FASTKD2: variants seen among roughly 807,000 people sequenced by gnomAD.
FASTKD2 encodes the protein FAST kinase domain-containing protein 2, mitochondrial.
FASTKD2 carries 51 observed loss-of-function variants against 63.6 expected under a neutral mutation model. That is an observed-to-expected ratio of 0.80 (90% CI 0.64 to 1.01). The LOEUF is 1.01. Among genes scored for constraint, FASTKD2 ranks in the 50% least tolerant of loss-of-function variants. FASTKD2 has a pLI of 0.00. For missense variants in FASTKD2, 786 were observed against 831.1 expected (o/e 0.95, Z 0.67); for synonymous variants, 284 against 293.4 (o/e 0.97, Z 0.33).
intron 7 of FASTKD2, among the ~76,000 whole-genome samples, chr2:206,778,480 A>G (rs1689880212): frequency 1.3e-5 from 2 of 151,762 alleles, no homozygotes; most frequent in Admixed American, 1.3e-4. Context: ...TTGATTTCTA[A>G]TTGTATTTCT....
At position 206,772,250 on chromosome 2, in the gene FASTKD2, A is replaced by G. The variant is rs1689704544; in HGVS notation, c.1184A>G (p.His395Arg). ...ILQSCKDLQY[H>R]NLDLFKGLAD... ...CAGTCCTGCAAAGACCTCCAGTACC[A>G]TAATTTGGATCTCTTCAAGGGACTT... Residue 395 changes from histidine (H) to arginine (R), a missense_variant, in exon 6 of 12, where the codon CAT (histidine) becomes CGT (arginine). By Grantham distance (29) the His-to-Arg change is conservative. Coordinates refer to ENST00000402774, the MANE Select transcript of FASTKD2 (RefSeq NM_001136193.2). 6.2e-7 allele frequency: 1 copy of G among 1,613,792 alleles called. No homozygotes were observed. Among genetic ancestry groups the G allele is most frequent in the Non-Finnish European group, 8.5e-7 (1 of 1,179,644 alleles).
At chr2:206,767,495 A>G (rs780098375) in intron 2 of FASTKD2, 25 bp downstream of exon 2, 9 of 1,574,942 alleles carry the variant, frequency 5.7e-6, no homozygotes, top group Middle Eastern at 1.7e-4. Context: ...AGATTTAAAC[A>G]TGCATTTACT....
In FASTKD2 at chr2:206,767,227, A is replaced by G. The variant is rs550045908; in HGVS notation, c.534A>G (p.Thr178=). ...DVLDAFSKAP[T]FPSSNYFTAM... Reference sequence around the variant, plus strand: ...TAGATGCATTTTCAAAAGCGCCCACATTTCCTAGTAGCAACTATTTCACAG... The same window carrying G: ...TAGATGCATTTTCAAAAGCGCCCACGTTTCCTAGTAGCAACTATTTCACAG... Residue 178 remains threonine, a synonymous_variant, in exon 2 of 12, where the codon ACA becomes ACG. Transcript: ENST00000402774. The G allele has an allele frequency of 7.4e-6, 12 of 1,614,220 alleles. No individual in the cohort carries two copies. Among genetic ancestry groups the G allele is most frequent in the African/African-American group, 2.7e-5 (2 of 75,072 alleles).
At chr2:206,768,945 G>A (rs769393889) in intron 2 of FASTKD2, among the ~76,000 whole-genome samples, 4 of 152,152 alleles carry the variant, frequency 2.6e-5, no homozygotes, top group Admixed American at 1.3e-4. Context: ...TTCCTATGTA[G>A]TTATTTAAAA....
chr2:206,785,511 G>A (rs1404074394), intron 7 of FASTKD2, among the ~76,000 whole-genome samples: 1 of 152,088 alleles, frequency 6.6e-6, no homozygotes, highest in Non-Finnish European at 1.5e-5. Flanking sequence ...AAACAGCAGA[G>A]CACATGCAGG....
chr2:206,775,946 A>G, intron 7 of FASTKD2, among the ~76,000 whole-genome samples: 1 of 151,926 alleles, frequency 6.6e-6, no homozygotes, highest in Non-Finnish European at 1.5e-5. Flanking sequence ...GTAAAGTGAT[A>G]TCTCATTGTG....
At chr2:206,773,553 C>A (rs993477429) in intron 6 of FASTKD2, among the ~76,000 whole-genome samples, 9 of 151,984 alleles carry the variant, frequency 5.9e-5, no homozygotes, top group African/African-American at 1.9e-4. Context: ...TAATGAAGCA[C>A]CTGGTAAAAA....
chr2:206,784,737 T>C (rs562701456), intron 7 of FASTKD2, among the ~76,000 whole-genome samples: 17 of 152,304 alleles, frequency 1.1e-4, no homozygotes, highest in African/African-American at 3.8e-4. Context: ...TTTTCTTGAC[T>C]CATCGTTTTC....
chr2:206,768,369 A>C (rs528918352), intron 2 of FASTKD2, among the ~76,000 whole-genome samples: 1 of 152,180 alleles, frequency 6.6e-6, no homozygotes, highest in Non-Finnish European at 1.5e-5. Context: ...TTATGTTTTA[A>C]GAGTGTACAC....
chr2:206,774,407 T>C lies in FASTKD2; in HGVS notation c.1427+10T>C. On this transcript the variant is annotated intron_variant, in intron 7 of 11. Coordinates refer to ENST00000402774, the MANE Select transcript of FASTKD2 (RefSeq NM_001136193.2). ...AATGCCAGAACAAAGAGTATGTACT[T>C]GTTTTTTTTTACCTTTTTTATTGCC... 1.3e-6 allele frequency: 2 copies of C among 1,563,256 alleles called. No individual in the cohort carries two copies. Among genetic ancestry groups the C allele is most frequent in the Middle Eastern group, 2.1e-4 (1 of 4,700 alleles).
Position 206,795,163 on chromosome 2 carries a change from C to G in FASTKD2, c.*3361C>G, listed in dbSNP as rs1447997986. Among the ~76,000 whole-genome samples, 1 of 152,226 alleles carries G rather than the reference C, an allele frequency of 6.6e-6. No homozygotes were observed. The highest frequency in any genetic ancestry group is 2.4e-5 in the African/African-American group (1 of 41,454). On this transcript the variant is annotated 3_prime_UTR_variant, in exon 12 of 12. Transcript: ENST00000402774. ...CAGACTCCACCCTGTTTTGCGCTGA[C>G]TTGTAGGGAGACCTAGGTGTGGAGC... is the stretch of plus-strand genomic sequence containing the variant.
At position 206,792,979 on chromosome 2, in the gene FASTKD2, C is replaced by G. The variant is rs1690329031; in HGVS notation, c.*1177C>G. Among the ~76,000 whole-genome samples, 1 of 152,036 alleles carries G rather than the reference C, an allele frequency of 6.6e-6. No individual in the cohort carries two copies. Among genetic ancestry groups the G allele is most frequent in the African/African-American group, 2.4e-5 (1 of 41,398 alleles). ...GTGGCTCGTGCTTGTCATCCCAGCA[C>G]TTGGGAGGCCGAGGTGGGCTGATCA... On this transcript the variant is annotated 3_prime_UTR_variant, in exon 12 of 12. Transcript: ENST00000402774.
In FASTKD2 at chr2:206,772,121, G is replaced by C. The variant is rs1380749784; in HGVS notation, c.1115-60G>C. 5.7e-6 allele frequency: 9 copies of C among 1,589,532 alleles called. No individual in the cohort carries two copies. The Admixed American group carries it at 1.5e-4, about 27-fold the overall frequency. ...TGCTTTTATATGAAAAAAGAATAAA[G>C]CATGTTGTATTCAAAACAATCAGGT... On this transcript the variant is annotated intron_variant, in intron 5 of 11. Coordinates refer to ENST00000402774, the MANE Select transcript of FASTKD2 (RefSeq NM_001136193.2).
chr2:206,772,569 G>A (rs930661069), intron 6 of FASTKD2, among the ~76,000 whole-genome samples: 2 of 152,176 alleles, frequency 1.3e-5, no homozygotes, highest in African/African-American at 2.4e-5. Context: ...AAAGCAATAC[G>A]CATTCAGTAG....
Position 206,780,767 on chromosome 2 carries a change from G to C in FASTKD2, c.1428-5966G>C, listed in dbSNP as rs140513437. Among the ~76,000 whole-genome samples, 868 of 151,770 alleles carry C rather than the reference G, an allele frequency of 5.7e-3. 3 individuals carry two copies. The highest frequency in any genetic ancestry group is 8.0e-3 in the Non-Finnish European group (544 of 67,990). ...ACATTGGTTTGCTTGTTGGTGTACT[G>C]TAAGTGTCTTAGGCTTTCTTAACTC... is the stretch of plus-strand genomic sequence containing the variant. On this transcript the variant is annotated intron_variant, in intron 7 of 11. Coordinates refer to ENST00000402774, the MANE Select transcript of FASTKD2 (RefSeq NM_001136193.2).
chr2:206,794,073 A>G lies in FASTKD2; in HGVS notation c.*2271A>G, dbSNP rs1348928404. ...CTTTATTATAGTATAATTGACATAC[A>G]GTAAACTGCATATATTTAAAGTGTA... On this transcript the variant is annotated 3_prime_UTR_variant, in exon 12 of 12. Coordinates refer to ENST00000402774, the MANE Select transcript of FASTKD2 (RefSeq NM_001136193.2). Among the ~76,000 whole-genome samples, 1 of 152,244 alleles carries G rather than the reference A, an allele frequency of 6.6e-6. No individual in the cohort carries two copies. The highest frequency in any genetic ancestry group is 1.5e-5 in the Non-Finnish European group (1 of 68,048).
In FASTKD2 at chr2:206,774,292, T is replaced by C. The variant is rs534941512; in HGVS notation, c.1322T>C (p.Met441Thr). Residue 441 changes from methionine to threonine, a missense_variant, in exon 7 of 12, where the codon ATG becomes ACG. By Grantham distance (81) the Met-to-Thr change is moderately conservative. Coordinates refer to ENST00000402774, the MANE Select transcript of FASTKD2 (RefSeq NM_001136193.2). ...CCTGTTGGTTTAATGGACCTGTTTATGAAGAGAATAGTAGAGGATCCTGAA... is the reference window on the plus strand; with the variant it reads ...CCTGTTGGTTTAATGGACCTGTTTACGAAGAGAATAGTAGAGGATCCTGAA... ...FRPVGLMDLF[M>T]KRIVEDPESL... is the part of the protein sequence containing the mutation. The C allele has an allele frequency of 5.0e-6, 8 of 1,609,346 alleles. No individual in the cohort carries two copies. Among genetic ancestry groups the C allele is most frequent in the Admixed American group, 1.7e-5 (1 of 59,986 alleles).
intron 7 of FASTKD2, among the ~76,000 whole-genome samples, chr2:206,784,154 T>G (rs1690072315): frequency 6.6e-6 from 1 of 152,196 alleles, no homozygotes; most frequent in East Asian, 1.9e-4. Context: ...TTGCCTGGAT[T>G]TGGTATTTTG....
chr2:206,773,580 A>G (rs1343292105), intron 6 of FASTKD2, among the ~76,000 whole-genome samples: 1 of 152,138 alleles, frequency 6.6e-6, no homozygotes, highest in Non-Finnish European at 1.5e-5. Context: ...TTTGCAATGA[A>G]ATAGGTGATA....
Sources: allele counts gnomAD v4.1 joint callset (sites outside exome capture counted in the v4.1 genomes callset), GRCh38; gene constraint gnomAD v4.1.1; transcripts MANE v1.5; gene names NCBI Gene and HGNC (gene_info 2026-07-23, HGNC 2026-07-21).